Variants in ANKRD11 observed in about 807,000 individuals in gnomAD.
The protein encoded by ANKRD11 is ankyrin repeat domain 11.
A neutral mutation model predicts 195.7 loss-of-function variants in ANKRD11; 17 were observed. That is an observed-to-expected ratio of 0.09 (90% CI 0.06 to 0.13). The LOEUF (loss-of-function observed/expected upper bound fraction) is 0.13. Among genes scored for constraint, ANKRD11 ranks in the 10% least tolerant of loss-of-function variants. ANKRD11 has a pLI of 1.00. For synonymous variants in ANKRD11, 1,953 were observed against 1,528.1 expected (o/e 1.28, Z -6.49); for missense variants, 3,735 against 3,566.1 (o/e 1.05, Z -1.21).
At chr16:89,344,930 C>G (rs139441721) in intron 2 of ANKRD11, among the ~76,000 whole-genome samples, 1 of 152,176 alleles carries the variant, frequency 6.6e-6, no homozygotes, top group African/African-American at 2.4e-5. Flanking sequence ...TAGAAAATAC[C>G]AGTGAAAAAG....
At chr16:89,345,010 G>T (rs2038871284) in intron 2 of ANKRD11, among the ~76,000 whole-genome samples, 1 of 152,220 alleles carries the variant, frequency 6.6e-6, no homozygotes, top group African/African-American at 2.4e-5. Flanking sequence ...AGGCGCAGAT[G>T]AGGCAGGAGG....
At chr16:89,480,369 C>T (rs907789617) in intron 1 of ANKRD11, among the ~76,000 whole-genome samples, 9 of 150,640 alleles carry the variant, frequency 6.0e-5, no homozygotes, top group Admixed American at 1.3e-4. Context: ...CCCAGCTACT[C>T]GGGAGGCTGA....
rs1199189594 is a variant in ANKRD11, at chr16:89,490,464, G to A, written c.-364C>T. The A allele has an allele frequency of 1.3e-5, 5 of 392,950 alleles. No individual in the cohort carries two copies. The Admixed American group carries it at 1.8e-4, about 14-fold the overall frequency. 24.3% of individuals were successfully genotyped at this position (392,950 alleles called of 1,614,324 possible). A position where few individuals can be genotyped will look rare whatever the true frequency, so the allele number is the denominator to read the frequency against. On this transcript the variant is annotated 5_prime_UTR_variant, in exon 1 of 13. Transcript: ENST00000301030. ...TCGGGCGAGAGCCGCGGCTCCCGGT[G>A]CGGACGCTACTGATGGGGCGTCTGG...
At chr16:89,367,519 C>G (rs541716553) in intron 2 of ANKRD11, among the ~76,000 whole-genome samples, 1 of 152,340 alleles carries the variant, frequency 6.6e-6, no homozygotes, top group African/African-American at 2.4e-5. Flanking sequence ...CACGCTCCCT[C>G]TTAGGCCACG....
At chr16:89,345,293 C>T (rs940593372) in intron 2 of ANKRD11, among the ~76,000 whole-genome samples, 10 of 139,882 alleles carry the variant, frequency 7.1e-5, no homozygotes, top group East Asian at 4.4e-4. Context: ...AGACCCATCA[C>T]GACAAACGGA....
intron 2 of ANKRD11, among the ~76,000 whole-genome samples, chr16:89,366,508 C>T (rs959140391): frequency 6.6e-6 from 1 of 152,166 alleles, no homozygotes; most frequent in Non-Finnish European, 1.5e-5. Context: ...TTAACCTTTT[C>T]GTAACAGCCA....
chr16:89,403,916 T>C (rs964257187), intron 2 of ANKRD11, among the ~76,000 whole-genome samples: 1 of 152,170 alleles, frequency 6.6e-6, no homozygotes, highest in Non-Finnish European at 1.5e-5. Flanking sequence ...AAAGCAAGAC[T>C]TGTCTCTTAA....
intron 1 of ANKRD11, among the ~76,000 whole-genome samples, chr16:89,449,586 G>A (rs2043970858): frequency 6.6e-6 from 1 of 152,118 alleles, no homozygotes; most frequent in Non-Finnish European, 1.5e-5. Context: ...CTGAGGTCGA[G>A]AGTTCGAGAC....
intron 2 of ANKRD11, among the ~76,000 whole-genome samples, chr16:89,338,486 T>C (rs1372140667): frequency 2.0e-5 from 3 of 150,704 alleles, no homozygotes; most frequent in Non-Finnish European, 4.4e-5. Context: ...TCCCAGCACT[T>C]TGGGAGGCCG....
chr16:89,377,114 T>C (rs1394676738), intron 2 of ANKRD11, among the ~76,000 whole-genome samples: 2 of 152,216 alleles, frequency 1.3e-5, no homozygotes, highest in Non-Finnish European at 2.9e-5. Flanking sequence ...ACAATGCCCT[T>C]GGTCCCCCAG....
intron 2 of ANKRD11, among the ~76,000 whole-genome samples, chr16:89,414,098 T>A (rs1313819391): frequency 6.6e-6 from 1 of 152,198 alleles, no homozygotes; most frequent in Non-Finnish European, 1.5e-5. Flanking sequence ...GACTGCGCAC[T>A]CGGGGACACT....
intron 2 of ANKRD11, among the ~76,000 whole-genome samples, chr16:89,368,677 G>A (rs1261036168): frequency 6.6e-6 from 1 of 150,784 alleles, no homozygotes; most frequent in African/African-American, 2.4e-5. Context: ...GGAGGCTGAA[G>A]TGCTATAATT....
chr16:89,437,544 G>C (rs1461512916), intron 1 of ANKRD11, among the ~76,000 whole-genome samples: 1 of 152,016 alleles, frequency 6.6e-6, no homozygotes, highest in Non-Finnish European at 1.5e-5. Flanking sequence ...TGAGCAAACA[G>C]TCCTCCAGAG....
intron 2 of ANKRD11, among the ~76,000 whole-genome samples, chr16:89,411,885 G>A (rs891590627): frequency 6.6e-6 from 1 of 151,934 alleles, no homozygotes. Context: ...GAGTCTCCTG[G>A]CCATGTTCCA....
At chr16:89,314,987 G>A (rs1305001294) in intron 3 of ANKRD11, among the ~76,000 whole-genome samples, 1 of 152,164 alleles carries the variant, frequency 6.6e-6, no homozygotes, top group Non-Finnish European at 1.5e-5. Flanking sequence ...GCACACCCCA[G>A]GTGCAGAAGC....
chr16:89,446,490 G>A (rs924654482), intron 1 of ANKRD11, among the ~76,000 whole-genome samples: 38 of 152,152 alleles, frequency 2.5e-4, no homozygotes, highest in African/African-American at 8.9e-4. Context: ...TGTACTCCCA[G>A]CTGACAGGGA....
chr16:89,307,106 G>A lies in ANKRD11; in HGVS notation c.88-1762C>T, dbSNP rs1183191583. ...CGGGACGTGGGGAGGGGGACGGTGC[G>A]ACACACACACTGCCTTTCCCCATCA... On this transcript the variant is annotated intron_variant, in intron 3 of 12. Transcript: ENST00000301030. Among the ~76,000 whole-genome samples the A allele has an allele frequency of 2.6e-5, 4 of 152,100 alleles. No individual in the cohort carries two copies. The South Asian group carries it at 6.2e-4, about 24-fold the overall frequency.
chr16:89,394,845 A>G (rs2041356245), intron 2 of ANKRD11, among the ~76,000 whole-genome samples: 3 of 152,178 alleles, frequency 2.0e-5, no homozygotes, highest in Admixed American at 1.3e-4. Flanking sequence ...TCAAACGTCC[A>G]GACTCCTCAT....
At chr16:89,303,619 C>A (rs2035980575) in intron 4 of ANKRD11, among the ~76,000 whole-genome samples, 1 of 152,196 alleles carries the variant, frequency 6.6e-6, no homozygotes, top group Admixed American at 6.5e-5. Context: ...TGGCACTGCA[C>A]CTGCCCCTCA....
Sources: allele counts gnomAD v4.1 joint callset (sites outside exome capture counted in the v4.1 genomes callset), GRCh38; gene constraint gnomAD v4.1.1; transcripts MANE v1.5; gene names NCBI Gene and HGNC (gene_info 2026-07-23, HGNC 2026-07-21).